MAN1B1: variants seen among roughly 807,000 people sequenced by gnomAD.
The protein encoded by MAN1B1 is mannosidase alpha class 1B member 1, also known as endoplasmic reticulum mannosyl-oligosaccharide 1,2-alpha-mannosidase.
A neutral mutation model predicts 75.5 loss-of-function variants in MAN1B1; 66 were observed. The observed-to-expected ratio is 0.87, with a 90% CI of 0.72 to 1.07. The LOEUF (loss-of-function observed/expected upper bound fraction) is 1.07, where lower values mean the gene tolerates loss of function less well. MAN1B1 is among the 50% of genes least tolerant of loss of function. The pLI, the probability that MAN1B1 is intolerant of heterozygous loss-of-function variation, is 0.00. For missense variants in MAN1B1, 973 were observed against 912.5 expected (o/e 1.07, Z -0.85); for synonymous variants, 453 against 382.8 (o/e 1.18, Z -2.14).
At chr9:137,089,458 A>T (rs1256180641) in intron 3 of MAN1B1, among the ~76,000 whole-genome samples, 1 of 152,172 alleles carries the variant, frequency 6.6e-6, no homozygotes, top group Non-Finnish European at 1.5e-5. Flanking sequence ...GCACCGGGCA[A>T]GGTGGGGAGA....
chr9:137,092,318 T>C (rs928796782), intron 3 of MAN1B1, among the ~76,000 whole-genome samples: 1 of 152,056 alleles, frequency 6.6e-6, no homozygotes, highest in African/African-American at 2.4e-5. Context: ...TGATCCAGCC[T>C]GGATGACAGG....
At position 137,097,935 on chromosome 9, in the gene MAN1B1, C is replaced by G; in HGVS notation, c.728C>G (p.Pro243Arg). Reference sequence around the variant, plus strand: ...CCACCGGCCAGGACACAGGGCACACCAGGTGAGGCCACACCTGCACCCCTT... The same window carrying G: ...CCACCGGCCAGGACACAGGGCACACGAGGTGAGGCCACACCTGCACCCCTT... The part of the protein sequence containing the change: ...PLPPARTQGT[P>R]VHLNYRQKGV... The change falls in exon 5 of 13, where the codon CCA (proline) becomes CGA (arginine). Residue 243 changes from proline (P) to arginine (R), a missense_variant and splice_region_variant. Pro to Arg is a moderately radical substitution (Grantham distance 103, BLOSUM62 -2). Transcript: ENST00000371589. The G allele has an allele frequency of 6.4e-7, 1 of 1,553,086 alleles. No homozygotes were observed.
At chr9:137,092,304 G>A (rs1195792971) in intron 3 of MAN1B1, among the ~76,000 whole-genome samples, 2 of 152,014 alleles carry the variant, frequency 1.3e-5, no homozygotes, top group East Asian at 3.9e-4. Flanking sequence ...GCTACAGTGA[G>A]CTATGATCCA....
chr9:137,091,818 G>A (rs1030445877), intron 3 of MAN1B1, among the ~76,000 whole-genome samples: 4 of 151,546 alleles, frequency 2.6e-5, no homozygotes, highest in East Asian at 3.9e-4. Flanking sequence ...GAGCCACCAC[G>A]CCCGGCCTTA....
At chr9:137,101,930 C>A in intron 8 of MAN1B1, 1 of 572,664 alleles carries the variant, frequency 1.7e-6, no homozygotes, top group Non-Finnish European at 3.3e-6. Flanking sequence ...GTGTTACACA[C>A]ATTTGGGCTG....
Position 137,088,973 on chromosome 9 carries a change from G to C in MAN1B1, c.433G>C (p.Asp145His), listed in dbSNP as rs139630016. The change falls in exon 3 of 13, where the codon GAC becomes CAC. Residue 145 changes from aspartate (D) to histidine (H), a missense_variant. By Grantham distance (81) the Asp-to-His change is moderately conservative (BLOSUM62 -1). Transcript: ENST00000371589. ...ACCAGCTCCTCAGAAGGCGGACACC[G>C]ACCCTGAGAACTTACCTGAGATTTC... ...VLPAPQKADT[D>H]PENLPEISSQ... The C allele has an allele frequency of 6.2e-7, 1 of 1,613,860 alleles. No homozygotes were observed. The highest frequency in any genetic ancestry group is 2.2e-5 in the East Asian group (1 of 44,904).
chr9:137,107,673 G>T lies in MAN1B1; in HGVS notation c.1896+11G>T. 1.2e-6 allele frequency: 2 copies of T among 1,609,726 alleles called. No homozygotes were observed. The highest frequency in any genetic ancestry group is 1.7e-6 in the Non-Finnish European group (2 of 1,179,940). Reference sequence around the variant, plus strand: ...AGCCGATTCACACGGGTGAGCACCTGTCCTCGCCCCGCGTGGTCACGGCCA... The same window carrying T: ...AGCCGATTCACACGGGTGAGCACCTTTCCTCGCCCCGCGTGGTCACGGCCA... On this transcript the variant is annotated intron_variant, in intron 12 of 12. Transcript: ENST00000371589.
Position 137,106,780 on chromosome 9 carries a change from C to G in MAN1B1, c.1537C>G (p.Leu513Val), listed in dbSNP as rs1446551348. The G allele has an allele frequency of 1.7e-5, 27 of 1,613,326 alleles. No individual in the cohort carries two copies. The highest frequency in any genetic ancestry group is 2.3e-5 in the Non-Finnish European group (27 of 1,180,004). Residue 513 changes from leucine (L) to valine (V), a missense_variant, in exon 10 of 13, where the codon CTT becomes GTT. Transcript: ENST00000371589. ...EPSKLTFVGE[L>V]AHGRFSAKMD... ...CAGTAAGCTCACCTTTGTGGGGGAG[C>G]TTGCCCACGGCCGCTTCAGTGCCAA...
At chr9:137,102,756 T>G in intron 8 of MAN1B1, 1 of 393,612 alleles carries the variant, frequency 2.5e-6, no homozygotes, top group East Asian at 8.5e-5. Context: ...GGTGTTACAT[T>G]CACACTTGCA....
chr9:137,106,167 G>C lies in MAN1B1; in HGVS notation c.1297G>C (p.Gly433Arg). The part of the protein sequence containing the change: ...KVTQHIHGLS[G>R]KKDGLVPMFI... ...GACACAGCACATCCACGGCCTGTCT[G>C]GGAAGAAGGATGGGCTGGTGCCCAT... is the stretch of plus-strand genomic sequence containing the variant. The change falls in exon 9 of 13, where the codon GGG becomes CGG. Residue 433 changes from glycine to arginine, a missense_variant. Physicochemically the swap from Gly to Arg is moderately radical, Grantham distance 125. Transcript: ENST00000371589. 1 of 1,612,954 alleles carries C rather than the reference G, an allele frequency of 6.2e-7. No homozygotes were observed. Among genetic ancestry groups the C allele is most frequent in the Non-Finnish European group, 8.5e-7 (1 of 1,179,902 alleles).
chr9:137,087,604 GT>G, intron 1 of MAN1B1: 1 of 462,582 alleles, frequency 2.2e-6, no homozygotes, highest in East Asian at 5.3e-5. Flanking sequence ...TTGGCTCCTG[GT>G]CTGTTCGTGG....
chr9:137,090,298 C>T (rs1275433762), intron 3 of MAN1B1, among the ~76,000 whole-genome samples: 1 of 152,136 alleles, frequency 6.6e-6, no homozygotes, highest in Non-Finnish European at 1.5e-5. Context: ...GTGGGAGTGC[C>T]TTGGGAGCTT....
intron 3 of MAN1B1, among the ~76,000 whole-genome samples, chr9:137,093,901 T>C (rs1036656716): frequency 4.9e-4 from 74 of 152,214 alleles, no homozygotes; most frequent in African/African-American, 1.7e-3. Context: ...CCTATCAAAA[T>C]TCCAACCTCT....
intron 8 of MAN1B1, chr9:137,103,501 C>G (rs937846033): frequency 6.9e-6 from 3 of 436,454 alleles, no homozygotes; most frequent in Non-Finnish European, 1.4e-5. Context: ...CACATTCACG[C>G]TATTGCAGGC....
At chr9:137,107,727 G>T (rs11998970) in intron 12 of MAN1B1, 65 bp downstream of exon 12, 1 of 1,606,786 alleles carries the variant, frequency 6.2e-7, no homozygotes, top group Non-Finnish European at 8.5e-7. Context: ...TGGGCTGTGG[G>T]GCTCAGGCTG....
intron 4 of MAN1B1, among the ~76,000 whole-genome samples, chr9:137,097,425 G>A (rs1364328922): frequency 2.0e-5 from 3 of 152,226 alleles, no homozygotes; most frequent in Non-Finnish European, 2.9e-5. Flanking sequence ...GTGGCCATGC[G>A]TCTCGTGTGT....
In MAN1B1 at chr9:137,089,108, C is replaced by T. The variant is rs1588581673; in HGVS notation, c.465+103C>T. ...ATTATTTTCCTTTACCATTTATTAC[C>T]ACGTGTTTACCTCTCTCTCGTTTTG... On this transcript the variant is annotated intron_variant, in intron 3 of 12. Coordinates refer to ENST00000371589, the MANE Select transcript of MAN1B1 (RefSeq NM_016219.5). 21 of 1,398,286 alleles carry T rather than the reference C, an allele frequency of 1.5e-5. No homozygotes were observed. In the East Asian group the frequency reaches 4.6e-4, roughly 30 times the overall value. 86.6% of individuals were successfully genotyped at this position (1,398,286 alleles called of 1,614,324 possible). A position where few individuals can be genotyped will look rare whatever the true frequency, so the allele number is the denominator to read the frequency against.
At chr9:137,100,938 G>A (rs981382561) in intron 6 of MAN1B1, 67 bp from the exon 7 acceptor site, 90 of 1,582,392 alleles carry the variant, frequency 5.7e-5, no homozygotes, top group Non-Finnish European at 7.6e-5. Flanking sequence ...TTTGAAGATG[G>A]ATAGATAATA....
chr9:137,103,909 A>G (rs1355269061), intron 8 of MAN1B1: 3 of 444,904 alleles, frequency 6.7e-6, no homozygotes, highest in African/African-American at 6.6e-5. Flanking sequence ...GCAGGCATGC[A>G]GGTCGGTAGT....
Sources: gnomAD v4.1 joint callset for allele counts (sites outside exome capture counted in the v4.1 genomes callset) on GRCh38, gnomAD v4.1.1 for gene constraint, MANE v1.5 for transcripts, NCBI Gene and HGNC (gene_info 2026-07-23, HGNC 2026-07-21) for gene names.